DIPK1A: variants seen among roughly 807,000 people sequenced by gnomAD.
DIPK1A encodes the protein family with sequence similarity 69 member A.
In DIPK1A, 27 loss-of-function variants were observed where a neutral mutation model predicts 40.8. The observed-to-expected ratio is 0.66, with a 90% CI of 0.49 to 0.91. DIPK1A has a LOEUF of 0.91. Among genes scored for constraint, DIPK1A ranks in the 40% least tolerant of loss-of-function variants. DIPK1A has a pLI of 0.00. For missense variants in DIPK1A, 412 were observed against 505.7 expected (o/e 0.81, Z 1.78); for synonymous variants, 166 against 171.3 (o/e 0.97, Z 0.24).
intron 4 of DIPK1A, among the ~76,000 whole-genome samples, chr1:92,846,811 A>ATATATATGTG (rs1553123750): frequency 3.1e-4 from 1 of 3,200 alleles, no homozygotes. Context: ...ATATATATAT[A>ATATATATGTG]TATATATATA....
intron 1 of DIPK1A, among the ~76,000 whole-genome samples, chr1:92,884,638 C>T (rs1648518203): frequency 6.6e-6 from 1 of 152,084 alleles, no homozygotes; most frequent in African/African-American, 2.4e-5. Flanking sequence ...GGATCTAGTG[C>T]TTACTAAAAC....
At chr1:92,844,559 A>C (rs2100708505) in intron 4 of DIPK1A, among the ~76,000 whole-genome samples, 1 of 152,324 alleles carries the variant, frequency 6.6e-6, no homozygotes, top group South Asian at 2.1e-4. Context: ...ACTGTAATGT[A>C]CTTACATCAA....
chr1:92,950,999 A>C (rs1341147044), intron 1 of DIPK1A, among the ~76,000 whole-genome samples: 4 of 152,224 alleles, frequency 2.6e-5, no homozygotes, highest in South Asian at 4.1e-4. Context: ...AATTCTATAG[A>C]TATCCACCAA....
intron 1 of DIPK1A, among the ~76,000 whole-genome samples, chr1:92,898,508 C>T (rs994423828): frequency 1.5e-4 from 23 of 152,100 alleles, no homozygotes; most frequent in Admixed American, 1.2e-3. Context: ...AAACATATCA[C>T]CTTGTCATCC....
intron 1 of DIPK1A, among the ~76,000 whole-genome samples, chr1:92,955,627 G>GGCAAAGCTT (rs1231577384): frequency 1.3e-5 from 2 of 151,136 alleles, no homozygotes; most frequent in African/African-American, 4.9e-5. Context: ...GAACCTGGGA[G>GGCAAAGCTT]GCAAAGCTTG....
intron 2 of DIPK1A, among the ~76,000 whole-genome samples, chr1:92,861,321 C>CTTTTTTTTTTTTTTTTT (rs71230876): frequency 1.2e-5 from 1 of 83,546 alleles, no homozygotes; most frequent in African/African-American, 4.6e-5. Context: ...CTCTCTCTCT[C>CTTTTTTTTTTTTTTTTT]TTTTTTTTTT....
At chr1:92,900,106 T>C (rs1482203542) in intron 1 of DIPK1A, among the ~76,000 whole-genome samples, 1 of 152,208 alleles carries the variant, frequency 6.6e-6, no homozygotes, top group Non-Finnish European at 1.5e-5. Context: ...GGAAGGATCA[T>C]TTTGGGTTGA....
chr1:92,903,549 T>C (rs1232117545), intron 1 of DIPK1A, among the ~76,000 whole-genome samples: 2 of 152,210 alleles, frequency 1.3e-5, no homozygotes, highest in African/African-American at 2.4e-5. Flanking sequence ...GAGGCACTGA[T>C]AAGAGCTGGT....
chr1:92,933,397 G>A (rs1328724870), intron 1 of DIPK1A: 1 of 152,142 alleles, frequency 6.6e-6, no homozygotes, highest in Non-Finnish European at 1.5e-5. Context: ...ACAAAGTAAA[G>A]TAAAATTCAT....
chr1:92,886,219 G>A (rs894212043), intron 1 of DIPK1A, among the ~76,000 whole-genome samples: 1 of 151,930 alleles, frequency 6.6e-6, no homozygotes, highest in African/African-American at 2.4e-5. Flanking sequence ...GTAGTCCCAG[G>A]TACTTGGAAG....
chr1:92,847,315 A>C lies in DIPK1A; in HGVS notation c.342T>G (p.Cys114Trp). ...CAAGATGAAGCGCTTGTTCCATTTGACATTTCACAACACCTGGTAGATTAT... is the reference window on the plus strand; with the variant it reads ...CAAGATGAAGCGCTTGTTCCATTTGCCATTTCACAACACCTGGTAGATTAT... ...IWDNLPGVVK[C>W]QMEQALHLDF... The change falls in exon 4 of 5, where the codon TGT (cysteine) becomes TGG (tryptophan). Residue 114 changes from cysteine (C) to tryptophan (W), a missense_variant. Cys to Trp is a radical substitution (Grantham distance 215). Transcript: ENST00000370310. The C allele has an allele frequency of 6.2e-7, 1 of 1,611,776 alleles. No individual in the cohort carries two copies. The highest frequency in any genetic ancestry group is 1.1e-5 in the South Asian group (1 of 90,576).
intron 1 of DIPK1A, among the ~76,000 whole-genome samples, chr1:92,959,448 C>CTTT (rs1012376544): frequency 4.0e-4 from 46 of 115,466 alleles, no homozygotes; most frequent in East Asian, 7.5e-4. Context: ...CAGTAAAACA[C>CTTT]TTTTTTTTTT....
chr1:92,906,603 A>G (rs956919686), intron 1 of DIPK1A, among the ~76,000 whole-genome samples: 16 of 152,158 alleles, frequency 1.1e-4, no homozygotes, highest in Non-Finnish European at 2.1e-4. Flanking sequence ...TATGAATACA[A>G]TGATACCTAC....
At position 92,844,140 on chromosome 1, in the gene DIPK1A, AC is replaced by A; in HGVS notation, c.529del (p.Val177TrpfsTer24). 6.4e-7 allele frequency: 1 copy of A among 1,551,726 alleles called. No homozygotes were observed. Among genetic ancestry groups the A allele is most frequent in the South Asian group, 1.2e-5 (1 of 84,064 alleles). On this transcript the variant is annotated frameshift_variant, in exon 5 of 5. Transcript: ENST00000370310. LOFTEE classifies it high-confidence loss of function. The stretch of plus-strand genomic sequence containing the variant: ...CTGGCCATCTTTGTCTCCATCAGCC[AC>A]CGTCAAGATGAGATTAACCAGTTCA... ...LSELVNLILTVADGDKDGQVS... is the reference protein window; with the variant it reads ...LSELVNLILTXADGDKDGQVS...
chr1:92,878,648 A>G (rs1367816888), intron 1 of DIPK1A, among the ~76,000 whole-genome samples: 2 of 152,134 alleles, frequency 1.3e-5, no homozygotes, highest in Admixed American at 6.5e-5. Flanking sequence ...GTGAAACCCC[A>G]TCTCTACTAA....
intron 2 of DIPK1A, among the ~76,000 whole-genome samples, chr1:92,863,571 C>CAAAAAA: frequency 9.9e-6 from 1 of 101,048 alleles, no homozygotes; most frequent in Non-Finnish European, 1.8e-5. Flanking sequence ...CTGTCTCTAC[C>CAAAAAA]AAAAAAAAAA....
At chr1:92,837,719 T>G (rs1285507428), downstream of DIPK1A, 1 of 1,074,304 alleles carries the variant, frequency 9.3e-7, no homozygotes, top group Non-Finnish European at 1.4e-6. Flanking sequence ...AACATTCTTA[T>G]ATAGGTGTGT....
chr1:92,930,667 CT>C (rs1307760641), intron 1 of DIPK1A: 1 of 152,174 alleles, frequency 6.6e-6, no homozygotes, highest in Non-Finnish European at 1.5e-5. Flanking sequence ...AAGGAAAGAA[CT>C]TTTTGTAGTT....
At chr1:92,904,743 A>G (rs943936271) in intron 1 of DIPK1A, among the ~76,000 whole-genome samples, 2 of 152,094 alleles carry the variant, frequency 1.3e-5, no homozygotes, top group Non-Finnish European at 2.9e-5. Context: ...GCTAACAAAT[A>G]CTAGATCTTA....
Sources: gnomAD v4.1 joint callset for allele counts (sites outside exome capture counted in the v4.1 genomes callset) on GRCh38, gnomAD v4.1.1 for gene constraint, MANE v1.5 for transcripts, NCBI Gene and HGNC (gene_info 2026-07-23, HGNC 2026-07-21) for gene names.